SDK1: variants seen among roughly 807,000 people sequenced by gnomAD.
SDK1 encodes protein sidekick-1.
In SDK1, 157 loss-of-function variants were observed where a neutral mutation model predicts 245.5. The observed-to-expected ratio is 0.64, with a 90% CI of 0.56 to 0.73. The LOEUF is 0.73. Ranked by LOEUF, SDK1 falls within the 30% of genes least tolerant of loss-of-function variation. The pLI is 0.00. For missense variants in SDK1, 3,583 were observed against 3,002.3 expected, an observed-to-expected ratio of 1.19 and a Z score of -4.52; for synonymous variants, 1,647 against 1,278.5, an observed-to-expected ratio of 1.29 and a Z score of -6.15.
chr7:3,564,214 A>G (rs570863697), intron 1 of SDK1, among the ~76,000 whole-genome samples: 16 of 152,294 alleles, frequency 1.1e-4, no homozygotes, highest in African/African-American at 3.6e-4. Context: ...ACAGAAAGCA[A>G]TGAAATACAG....
At chr7:3,607,085 G>C (rs1213969188) in intron 1 of SDK1, among the ~76,000 whole-genome samples, 1 of 152,084 alleles carries the variant, frequency 6.6e-6, no homozygotes, top group Non-Finnish European at 1.5e-5. Context: ...GTCATAGAAA[G>C]TGAAGTGGTT....
Position 4,100,387 on chromosome 7 carries a change from T to C in SDK1, c.3325-10276T>C, listed in dbSNP as rs1022300751. The stretch of plus-strand genomic sequence containing the variant: ...GGAAGGCTGTTTCGGGGGACACACT[T>C]GGGAGATGTGAACAAACTGGCCAGA... On this transcript the variant is annotated intron_variant, in intron 22 of 44. Coordinates refer to ENST00000404826, the MANE Select transcript of SDK1 (RefSeq NM_152744.4). Among the ~76,000 whole-genome samples, 9 of 152,150 alleles carry C rather than the reference T, an allele frequency of 5.9e-5. No individual in the cohort carries two copies. In the South Asian group the frequency reaches 1.2e-3, roughly 21 times the overall value.
At chr7:3,316,199 T>C (rs1348336148) in intron 1 of SDK1, among the ~76,000 whole-genome samples, 1 of 152,256 alleles carries the variant, frequency 6.6e-6, no homozygotes, top group Non-Finnish European at 1.5e-5. Flanking sequence ...TACAGCCATG[T>C]ACCCTATAAT....
At chr7:4,098,493 C>T (rs1448352263) in intron 22 of SDK1, among the ~76,000 whole-genome samples, 1 of 152,030 alleles carries the variant, frequency 6.6e-6, no homozygotes, top group Non-Finnish European at 1.5e-5. Context: ...TTCATTCGCC[C>T]ATTCACCCAG....
At chr7:4,226,579 C>A (rs1293391998) in intron 40 of SDK1, among the ~76,000 whole-genome samples, 2 of 152,190 alleles carry the variant, frequency 1.3e-5, no homozygotes, top group African/African-American at 2.4e-5. Context: ...GAACACAGAT[C>A]CCCTCTTATT....
chr7:3,348,833 T>G (rs1780578586), intron 1 of SDK1, among the ~76,000 whole-genome samples: 1 of 152,184 alleles, frequency 6.6e-6, no homozygotes, highest in South Asian at 2.1e-4. Context: ...AAACAGTGAA[T>G]AGAGGATGAC....
intron 1 of SDK1, among the ~76,000 whole-genome samples, chr7:3,529,085 T>TAAGGG (rs1003810870): frequency 2.0e-5 from 3 of 152,090 alleles, no homozygotes; most frequent in Non-Finnish European, 4.4e-5. Context: ...CATCAACAGA[T>TAAGGG]AAGGGATTTA....
At chr7:3,769,360 T>C (rs1288614260) in intron 4 of SDK1, among the ~76,000 whole-genome samples, 1 of 152,134 alleles carries the variant, frequency 6.6e-6, no homozygotes, top group Non-Finnish European at 1.5e-5. Flanking sequence ...CAGGGCAGTA[T>C]ATAGTGAGGG....
At chr7:3,559,769 A>AC (rs920027316) in intron 1 of SDK1, among the ~76,000 whole-genome samples, 4 of 152,064 alleles carry the variant, frequency 2.6e-5, no homozygotes, top group Admixed American at 1.3e-4. Flanking sequence ...AAAAAAAAAA[A>AC]AAAACACAAA....
At chr7:3,838,711 G>A (rs187759635) in intron 5 of SDK1, among the ~76,000 whole-genome samples, 1 of 152,140 alleles carries the variant, frequency 6.6e-6, no homozygotes, top group Admixed American at 6.5e-5. Flanking sequence ...TCTCAACTGG[G>A]GCATCACCTC....
At chr7:3,570,667 C>G (rs1023474644) in intron 1 of SDK1, among the ~76,000 whole-genome samples, 15 of 152,164 alleles carry the variant, frequency 9.9e-5, no homozygotes, top group Admixed American at 3.9e-4. Context: ...TAACTTATGT[C>G]ACAGTCGCAG....
chr7:3,430,347 G>A (rs1779804814), intron 1 of SDK1, among the ~76,000 whole-genome samples: 1 of 152,090 alleles, frequency 6.6e-6, no homozygotes, highest in African/African-American at 2.4e-5. Context: ...GATAGCAAGT[G>A]TTAGAAAAAT....
At chr7:3,852,035 A>G (rs1294333026) in intron 5 of SDK1, among the ~76,000 whole-genome samples, 1 of 152,156 alleles carries the variant, frequency 6.6e-6, no homozygotes, top group African/African-American at 2.4e-5. Flanking sequence ...TGGTGAACAA[A>G]TAGAGAAGGA....
At chr7:3,993,111 C>T (rs532806773) in intron 14 of SDK1, among the ~76,000 whole-genome samples, 1 of 152,294 alleles carries the variant, frequency 6.6e-6, no homozygotes, top group Admixed American at 6.5e-5. Flanking sequence ...ATTTTACCTT[C>T]TTAAAAATTT....
intron 5 of SDK1, among the ~76,000 whole-genome samples, chr7:3,932,880 A>T (rs1422533759): frequency 6.6e-6 from 1 of 152,074 alleles, no homozygotes; most frequent in Non-Finnish European, 1.5e-5. Context: ...CCTCTGTCTC[A>T]CCTGTGTGTT....
At chr7:3,774,214 CAAAAA>C (rs35211488) in intron 4 of SDK1, among the ~76,000 whole-genome samples, 3 of 70,370 alleles carry the variant, frequency 4.3e-5, no homozygotes, top group East Asian at 5.7e-4. Context: ...GACTCCATCT[CAAAAA>C]AAAAAAAAAA....
chr7:3,907,035 C>G (rs897928809), intron 5 of SDK1, among the ~76,000 whole-genome samples: 1 of 152,132 alleles, frequency 6.6e-6, no homozygotes, highest in Admixed American at 6.6e-5. Context: ...TAGAATCTTA[C>G]GTCCTTGTAG....
intron 1 of SDK1, among the ~76,000 whole-genome samples, chr7:3,521,778 TAGG>T (rs966351890): frequency 1.3e-5 from 2 of 152,080 alleles, no homozygotes; most frequent in Admixed American, 6.6e-5. Flanking sequence ...CGATATTAAT[TAGG>T]AGGAAGTAGT....
intron 12 of SDK1, among the ~76,000 whole-genome samples, chr7:3,972,079 CTTT>C (rs10707387): frequency 2.7e-4 from 33 of 123,320 alleles, no homozygotes; most frequent in African/African-American, 8.4e-4. Context: ...TGAGGGTTCT[CTTT>C]TTTTTTTTTT....
Sources: allele counts gnomAD v4.1 joint callset (sites outside exome capture counted in the v4.1 genomes callset), GRCh38; gene constraint gnomAD v4.1.1; transcripts MANE v1.5; gene names NCBI Gene and HGNC (gene_info 2026-07-23, HGNC 2026-07-21).